Variants in MAF observed in about 807,000 individuals in gnomAD.
MAF encodes MAF bZIP transcription factor.
In MAF, 10 loss-of-function variants were observed where a neutral mutation model predicts 22.0. The ratio of observed to expected loss-of-function variants is 0.45; its 90% CI spans 0.28 to 0.77. MAF has a LOEUF of 0.77. MAF is among the 30% of genes least tolerant of loss of function. The probability of loss-of-function intolerance (pLI) is 0.12; values close to 1 mark genes in which losing one functional copy is unlikely to be tolerated. For missense variants in MAF, 544 were observed against 548.4 expected (o/e 0.99, Z 0.08); for synonymous variants, 337 against 255.8 (o/e 1.32, Z -3.03).
the MAF span, among the ~76,000 whole-genome samples, chr16:79,249,508 G>A: frequency 6.6e-6 from 1 of 151,848 alleles, no homozygotes; most frequent in Admixed American, 6.6e-5. Flanking sequence ...TTGGGGAACA[G>A]GCCCTCACCA....
chr16:79,596,908 T>C (rs1913562946), intron 1 of MAF: 2 of 1,049,980 alleles, frequency 1.9e-6, no homozygotes, highest in Non-Finnish European at 2.3e-6. Flanking sequence ...ATTATATGCT[T>C]GCAGGTTATA....
At chr16:79,367,663 G>A in the MAF span, among the ~76,000 whole-genome samples, 19 of 152,240 alleles carry the variant, frequency 1.2e-4, no homozygotes, top group African/African-American at 4.3e-4. Flanking sequence ...GCACTGGAAA[G>A]GTAGTCAGTG....
At chr16:79,243,364 T>A in the MAF span, among the ~76,000 whole-genome samples, 3 of 151,516 alleles carry the variant, frequency 2.0e-5, no homozygotes, top group South Asian at 6.3e-4. Flanking sequence ...ATAATTGCAA[T>A]AAAAAATGAA....
At chr16:79,481,843 A>C in the MAF span, among the ~76,000 whole-genome samples, 1 of 152,224 alleles carries the variant, frequency 6.6e-6, no homozygotes, top group Non-Finnish European at 1.5e-5. Context: ...AGAAGCCTCC[A>C]TCTGGGTAGG....
chr16:79,550,337 G>GGA, the MAF span, among the ~76,000 whole-genome samples: 50,413 of 150,126 alleles, frequency 0.34, 9,068 homozygotes, highest in Non-Finnish European at 0.42. Flanking sequence ...TAGGGGGAAA[G>GGA]GAGAGAGAGA....
chr16:79,463,467 A>G, the MAF span, among the ~76,000 whole-genome samples: 1 of 152,228 alleles, frequency 6.6e-6, no homozygotes, highest in East Asian at 1.9e-4. Context: ...CATGTCTCAT[A>G]TAAACTGTGG....
At chr16:79,320,554 G>A in the MAF span, among the ~76,000 whole-genome samples, 39 of 152,280 alleles carry the variant, frequency 2.6e-4, no homozygotes, top group African/African-American at 8.9e-4. Flanking sequence ...CCTAGAATTC[G>A]CTTCTTATGC....
the MAF span, among the ~76,000 whole-genome samples, chr16:79,275,827 T>C: frequency 1.3e-5 from 2 of 152,148 alleles, no homozygotes; most frequent in Admixed American, 6.5e-5. Flanking sequence ...TTGGAAACCA[T>C]GTATTGATTG....
the MAF span, among the ~76,000 whole-genome samples, chr16:79,489,373 C>T: frequency 6.6e-6 from 1 of 152,200 alleles, no homozygotes; most frequent in African/African-American, 2.4e-5. Context: ...ATCCATCCAT[C>T]CTTTGTGTAC....
At chr16:79,247,619 G>A in the MAF span, among the ~76,000 whole-genome samples, 1 of 152,094 alleles carries the variant, frequency 6.6e-6, no homozygotes, top group Non-Finnish European at 1.5e-5. Flanking sequence ...GGAAGTAATG[G>A]GTGGCTATTT....
chr16:79,297,971 G>T, the MAF span, among the ~76,000 whole-genome samples: 1 of 152,244 alleles, frequency 6.6e-6, no homozygotes, highest in Non-Finnish European at 1.5e-5. Flanking sequence ...CTTCACAAGT[G>T]ATCTAATGTG....
the MAF span, among the ~76,000 whole-genome samples, chr16:79,580,831 A>G: frequency 6.6e-6 from 1 of 152,126 alleles, no homozygotes; most frequent in East Asian, 1.9e-4. Flanking sequence ...AAAAAAATAG[A>G]AGAAAAATTT....
the MAF span, among the ~76,000 whole-genome samples, chr16:79,408,321 T>G: frequency 0.64 from 96,414 of 151,576 alleles, 31,452 homozygotes; most frequent in East Asian, 0.99. Context: ...GGATTACAGG[T>G]GCCTGCCACC....
the MAF span, among the ~76,000 whole-genome samples, chr16:79,250,233 C>T: frequency 2.0e-5 from 3 of 152,218 alleles, no homozygotes; most frequent in South Asian, 2.1e-4. Flanking sequence ...GCACTTTGAA[C>T]AAATATTTCT....
chr16:79,281,988 G>T, the MAF span, among the ~76,000 whole-genome samples: 1 of 152,066 alleles, frequency 6.6e-6, no homozygotes, highest in Non-Finnish European at 1.5e-5. Flanking sequence ...CAGGAGTCCT[G>T]GTGTCTGGGT....
chr16:79,370,150 T>C, the MAF span, among the ~76,000 whole-genome samples: 2 of 152,214 alleles, frequency 1.3e-5, no homozygotes, highest in South Asian at 2.1e-4. Context: ...GGCTAAAGTA[T>C]ACTTGGAGAG....
chr16:79,352,090 A>T, the MAF span, among the ~76,000 whole-genome samples: 1 of 152,086 alleles, frequency 6.6e-6, no homozygotes, highest in Non-Finnish European at 1.5e-5. Context: ...ACTAGTTCTT[A>T]GGGGAGATGG....
the MAF span, among the ~76,000 whole-genome samples, chr16:79,484,479 G>A: frequency 2.0e-4 from 30 of 152,332 alleles, no homozygotes; most frequent in African/African-American, 7.0e-4. Context: ...TCACAGGGCT[G>A]AGTCCTTACC....
chr16:79,538,691 T>C, the MAF span, among the ~76,000 whole-genome samples: 5 of 152,062 alleles, frequency 3.3e-5, no homozygotes, highest in Non-Finnish European at 7.4e-5. Context: ...GGGAACATGG[T>C]GGCACATGCT....
Sources: gnomAD v4.1 joint callset for allele counts (sites outside exome capture counted in the v4.1 genomes callset) on GRCh38, gnomAD v4.1.1 for gene constraint, MANE v1.5 for transcripts, NCBI Gene and HGNC (gene_info 2026-07-23, HGNC 2026-07-21) for gene names.